DLG2: variants seen among roughly 807,000 people sequenced by gnomAD.
DLG2 encodes the protein disks large homolog 2.
A neutral mutation model predicts 132.5 loss-of-function variants in DLG2; 45 were observed. The ratio of observed to expected loss-of-function variants is 0.34; its 90% CI spans 0.27 to 0.44. DLG2 has a LOEUF of 0.44. Ranked by LOEUF, DLG2 falls within the 20% of genes least tolerant of loss-of-function variation. The pLI, the probability that DLG2 is intolerant of heterozygous loss-of-function variation, is 1.00. For missense variants in DLG2, 1,045 were observed against 1,196.9 expected (o/e 0.87, Z 1.87); for synonymous variants, 424 against 419.6 (o/e 1.01, Z -0.13).
chr11:83,787,978 G>A (rs2040478361), intron 17 of DLG2, among the ~76,000 whole-genome samples: 1 of 152,132 alleles, frequency 6.6e-6, no homozygotes, highest in South Asian at 2.1e-4. Flanking sequence ...CCCTCAAGAA[G>A]TTTTTCTGAT....
intron 6 of DLG2, chr11:84,546,528 T>C (rs2099390254): frequency 3.0e-6 from 1 of 332,246 alleles, no homozygotes; most frequent in Admixed American, 3.5e-5. Flanking sequence ...TCAACAAATA[T>C]CTTTTTCACA....
chr11:84,742,328 TTCTC>T (rs1215215428), intron 6 of DLG2, among the ~76,000 whole-genome samples: 7 of 152,156 alleles, frequency 4.6e-5, no homozygotes, highest in African/African-American at 7.2e-5. Flanking sequence ...CCCAAATATG[TTCTC>T]TCTAAGTCAC....
At chr11:85,398,683 A>G (rs1344940254) in intron 3 of DLG2, among the ~76,000 whole-genome samples, 1 of 152,226 alleles carries the variant, frequency 6.6e-6, no homozygotes, top group Non-Finnish European at 1.5e-5. Context: ...TCTAGAAGAA[A>G]TGGATAAATT....
At chr11:84,309,110 G>A (rs992225986) in intron 7 of DLG2, among the ~76,000 whole-genome samples, 1 of 151,978 alleles carries the variant, frequency 6.6e-6, no homozygotes, top group African/African-American at 2.4e-5. Context: ...ATTACTACCA[G>A]GTTAATGAAG....
chr11:83,876,700 C>T (rs17146290), intron 15 of DLG2, among the ~76,000 whole-genome samples: 3,827 of 152,080 alleles, frequency 0.025, 175 homozygotes, highest in African/African-American at 0.087. Context: ...AATGTGGAGC[C>T]AGAGTCCAAA....
chr11:84,804,840 G>A (rs1488889726), intron 6 of DLG2, among the ~76,000 whole-genome samples: 2 of 152,140 alleles, frequency 1.3e-5, no homozygotes, highest in Non-Finnish European at 2.9e-5. Context: ...CATCCCCCTT[G>A]CTCAGACAGT....
At chr11:85,545,643 T>A (rs1406128170) in intron 3 of DLG2, among the ~76,000 whole-genome samples, 9 of 152,194 alleles carry the variant, frequency 5.9e-5, no homozygotes, top group Admixed American at 5.9e-4. Context: ...TGGTAGGCTA[T>A]TAATTGCTGC....
intron 6 of DLG2, among the ~76,000 whole-genome samples, chr11:84,822,184 C>T (rs2077780575): frequency 6.6e-6 from 1 of 151,742 alleles, no homozygotes; most frequent in South Asian, 2.1e-4. Context: ...TTTGAATGTC[C>T]AAAACACTTT....
At chr11:83,974,151 G>C (rs2091842885) in intron 12 of DLG2, among the ~76,000 whole-genome samples, 1 of 151,984 alleles carries the variant, frequency 6.6e-6, no homozygotes, top group Admixed American at 6.6e-5. Flanking sequence ...AGATATCTAA[G>C]GTTGGTATAA....
At chr11:85,250,575 C>T (rs969026386) in intron 4 of DLG2, among the ~76,000 whole-genome samples, 5 of 152,050 alleles carry the variant, frequency 3.3e-5, no homozygotes, top group African/African-American at 1.2e-4. Context: ...TATTATTCAC[C>T]TAATATTTTC....
At chr11:85,200,983 T>C (rs551336433) in intron 4 of DLG2, among the ~76,000 whole-genome samples, 2 of 151,942 alleles carry the variant, frequency 1.3e-5, no homozygotes, top group Admixed American at 6.5e-5. Context: ...GCTGGGAGAC[T>C]CATGCTCCTC....
chr11:85,242,871 T>C (rs1315931454), intron 4 of DLG2, among the ~76,000 whole-genome samples: 1 of 151,852 alleles, frequency 6.6e-6, no homozygotes, highest in Non-Finnish European at 1.5e-5. Flanking sequence ...CTCAGTCACA[T>C]TATCTTGATC....
chr11:84,644,538 C>T lies in DLG2; in HGVS notation c.358-109807G>A, dbSNP rs1398548153. 2.0e-5 allele frequency among the ~76,000 whole-genome samples: 3 copies of T among 151,970 alleles called. No homozygotes were observed. In the East Asian group the frequency reaches 5.8e-4, roughly 29 times the overall value. ...TGGCTAACACAGTGAAACCCCGTCT[C>T]TACTAAAAATACAAAAAATTAGCCG... On this transcript the variant is annotated intron_variant, in intron 6 of 27. Transcript: ENST00000376104.
chr11:84,197,066 GA>G (rs1414186899), intron 8 of DLG2, among the ~76,000 whole-genome samples: 132 of 127,058 alleles, frequency 1.0e-3, no homozygotes, highest in Non-Finnish European at 1.5e-3. Flanking sequence ...AGAAAGAAAA[GA>G]AAAAAAAAAC....
chr11:85,510,016 C>A (rs1428311173), intron 3 of DLG2: 1 of 141,188 alleles, frequency 7.1e-6, no homozygotes. Context: ...AAGGATGACA[C>A]ACAAATTCAT....
chr11:85,606,021 T>C (rs1254375282), intron 2 of DLG2, among the ~76,000 whole-genome samples: 4 of 151,850 alleles, frequency 2.6e-5, no homozygotes, highest in Non-Finnish European at 5.9e-5. Flanking sequence ...CCAGGTACCA[T>C]GGGAGTAGAG....
intron 20 of DLG2, among the ~76,000 whole-genome samples, chr11:83,534,186 T>C (rs532529488): frequency 2.6e-5 from 4 of 152,338 alleles, no homozygotes; most frequent in Admixed American, 2.6e-4. Context: ...GCACTACCTC[T>C]TGATTTCCTT....
At chr11:85,340,006 T>A (rs1265465557) in intron 3 of DLG2, among the ~76,000 whole-genome samples, 1 of 152,212 alleles carries the variant, frequency 6.6e-6, no homozygotes, top group Non-Finnish European at 1.5e-5. Flanking sequence ...CTGGACAGGA[T>A]GTTGAGAAAT....
chr11:84,780,743 C>T (rs2071603644), intron 6 of DLG2, among the ~76,000 whole-genome samples: 1 of 151,856 alleles, frequency 6.6e-6, no homozygotes, highest in Non-Finnish European at 1.5e-5. Flanking sequence ...CAGATATTTC[C>T]CTATAGCTCC....
Sources: allele counts gnomAD v4.1 joint callset (sites outside exome capture counted in the v4.1 genomes callset), GRCh38; gene constraint gnomAD v4.1.1; transcripts MANE v1.5; gene names NCBI Gene and HGNC (gene_info 2026-07-23, HGNC 2026-07-21).